The following USP32 variants were observed in gnomAD, a reference collection of about 807,000 sequenced individuals.
USP32 encodes ubiquitin carboxyl-terminal hydrolase 32.
USP32 carries 59 observed loss-of-function variants against 204.8 expected under a neutral mutation model. That is an observed-to-expected ratio of 0.29 (90% CI 0.23 to 0.36). The LOEUF (loss-of-function observed/expected upper bound fraction) is 0.36, where lower values mean the gene tolerates loss of function less well. USP32 is among the 10% of genes least tolerant of loss of function. The pLI is 1.00. For synonymous variants in USP32, 517 were observed against 678.4 expected (o/e 0.76, Z 3.70); for missense variants, 1,160 against 1,946.4 (o/e 0.60, Z 7.60).
intron 5 of USP32, among the ~76,000 whole-genome samples, chr17:60,286,427 AAAG>A (rs1380842780): frequency 1.3e-5 from 2 of 152,236 alleles, no homozygotes; most frequent in Non-Finnish European, 2.9e-5. Context: ...AGACAGAGGC[AAAG>A]AATGGGAGAT....
At chr17:60,251,402 T>A (rs2086164292) in intron 11 of USP32, among the ~76,000 whole-genome samples, 1 of 152,220 alleles carries the variant, frequency 6.6e-6, no homozygotes, top group African/African-American at 2.4e-5. Context: ...GAATATGTAA[T>A]CCTATTCTCA....
At chr17:60,194,466 G>A (rs1478171453) in intron 27 of USP32, among the ~76,000 whole-genome samples, 1 of 152,016 alleles carries the variant, frequency 6.6e-6, no homozygotes, top group Non-Finnish European at 1.5e-5. Context: ...CAGCTTCTTT[G>A]TAGCATGTGC....
intron 1 of USP32, among the ~76,000 whole-genome samples, chr17:60,363,995 A>T (rs1344867263): frequency 2.0e-5 from 3 of 152,106 alleles, no homozygotes; most frequent in Non-Finnish European, 4.4e-5. Flanking sequence ...AAACATGCTT[A>T]ATCTGTTCAG....
rs1567780504 is a variant in USP32 at position 60,223,439 on chromosome 17, T to C, written c.1580A>G (p.Gln527Arg). Reference protein sequence around the residue: ...NPQKPGAIDNQPLVTQEPVKA... With the variant: ...NPQKPGAIDNRPLVTQEPVKA... Reference sequence around the variant, plus strand: ...TACTGGTTCTTGAGTTACTAATGGCTGATTATCAATAGCCCCTGGTTTCTG... The same window carrying C: ...TACTGGTTCTTGAGTTACTAATGGCCGATTATCAATAGCCCCTGGTTTCTG... The change falls in exon 14 of 34, where the codon CAG becomes CGG. Residue 527 changes from glutamine (Q) to arginine (R), a missense_variant. By Grantham distance (43) the Gln-to-Arg change is conservative. This residue lies in a region of USP32 where 536 missense variants were observed against 680.9 expected (regional missense o/e 0.79). Transcript: ENST00000300896. 1.2e-6 allele frequency: 2 copies of C among 1,611,506 alleles called. No homozygotes were observed. The highest frequency in any genetic ancestry group is 4.5e-5 in the East Asian group (2 of 44,852).
chr17:60,210,504 G>C (rs1290076299), intron 21 of USP32, among the ~76,000 whole-genome samples: 1 of 152,032 alleles, frequency 6.6e-6, no homozygotes. Flanking sequence ...ACAGGGTTTC[G>C]CCATCTTGTC....
intron 29 of USP32, 33 bp from the exon 30 acceptor site, chr17:60,185,684 C>A (rs765602324): frequency 1.9e-6 from 3 of 1,585,326 alleles, no homozygotes; most frequent in Admixed American, 1.7e-5. Flanking sequence ...GAAAGGGGTG[C>A]GTGGGAAGGC....
intron 9 of USP32, among the ~76,000 whole-genome samples, chr17:60,264,241 C>T (rs111532419): frequency 0.021 from 3,263 of 151,826 alleles, 138 homozygotes; most frequent in African/African-American, 0.075. Context: ...ATTTTTTAGG[C>T]CAGCACAGTG....
In USP32 at chr17:60,231,984, T is replaced by C. The variant is rs961228959; in HGVS notation, c.1239+4154A>G. Among the ~76,000 whole-genome samples the C allele has an allele frequency of 2.6e-5, 4 of 152,144 alleles. No homozygotes were observed. In the East Asian group the frequency reaches 7.7e-4, roughly 29 times the overall value. On this transcript the variant is annotated intron_variant, in intron 12 of 33. Transcript: ENST00000300896. ...GGATGGCTCATTTTTCCTGATCCCT[T>C]GGTCTCTGATCTTTCCATTTAGTCT...
chr17:60,252,471 T>A (rs1287470540), intron 10 of USP32, 29 bp from the exon 11 acceptor site: 11 of 1,551,548 alleles, frequency 7.1e-6, no homozygotes, highest in Non-Finnish European at 8.8e-6. Flanking sequence ...AATCAAAGTT[T>A]ATTAACTGCA....
chr17:60,375,981 G>A (rs1334191752), intron 1 of USP32, among the ~76,000 whole-genome samples: 1 of 152,132 alleles, frequency 6.6e-6, no homozygotes, highest in Non-Finnish European at 1.5e-5. Context: ...TCAAAAAATA[G>A]TAGTCAAAAT....
At chr17:60,229,451 G>A (rs763032807) in intron 12 of USP32, among the ~76,000 whole-genome samples, 83 of 152,136 alleles carry the variant, frequency 5.5e-4, no homozygotes, top group Non-Finnish European at 1.0e-3. Context: ...TTTTTATAAT[G>A]TGCTCCAGAT....
At chr17:60,413,832 T>C (rs2090037317) in intron 1 of USP32, among the ~76,000 whole-genome samples, 2 of 119,708 alleles carry the variant, frequency 1.7e-5, no homozygotes, top group South Asian at 5.5e-4. Context: ...ACCGCTGCAC[T>C]CCAGCCTGGC....
chr17:60,302,839 T>C (rs537460695), intron 2 of USP32, among the ~76,000 whole-genome samples: 19 of 152,286 alleles, frequency 1.2e-4, no homozygotes, highest in African/African-American at 4.6e-4. Flanking sequence ...ATAAGTATTA[T>C]AGTAATCAGA....
chr17:60,394,366 A>G (rs947049706), upstream of USP32, among the ~76,000 whole-genome samples: 1 of 152,204 alleles, frequency 6.6e-6, no homozygotes. Flanking sequence ...GTCAGTACCT[A>G]CAGATGGCCT....
At chr17:60,334,224 T>C (rs1400980932) in intron 2 of USP32, among the ~76,000 whole-genome samples, 1 of 152,194 alleles carries the variant, frequency 6.6e-6, no homozygotes, top group Non-Finnish European at 1.5e-5. Context: ...TGGTTTAATA[T>C]TGCATTTTCT....
chr17:60,218,661 C>T (rs1436256189), intron 16 of USP32, among the ~76,000 whole-genome samples: 3 of 151,914 alleles, frequency 2.0e-5, no homozygotes, highest in Non-Finnish European at 4.4e-5. Context: ...TGGAGTGCAA[C>T]GGTGTGATCT....
In USP32 at chr17:60,271,927, T is replaced by A. The variant is rs1178952534; in HGVS notation, c.572-446A>T. ...CCTGGGCTCAAGCCATCTTCCCACC[T>A]CAGCCTCCCAAGTAGCTAGGACTAC... On this transcript the variant is annotated intron_variant, in intron 5 of 33. Coordinates refer to ENST00000300896, the MANE Select transcript of USP32 (RefSeq NM_032582.4). Among the ~76,000 whole-genome samples, 5 of 151,984 alleles carry A rather than the reference T, an allele frequency of 3.3e-5. No individual in the cohort carries two copies. In the East Asian group the frequency reaches 9.7e-4, roughly 29 times the overall value.
At chr17:60,272,387 A>T (rs1001468222) in intron 5 of USP32, among the ~76,000 whole-genome samples, 1 of 152,228 alleles carries the variant, frequency 6.6e-6, no homozygotes, top group African/African-American at 2.4e-5. Context: ...TACATCAAAA[A>T]TCGCAAATAG....
chr17:60,420,169 G>C (rs1163638537), intron 1 of USP32, among the ~76,000 whole-genome samples: 2 of 150,184 alleles, frequency 1.3e-5, no homozygotes, highest in Non-Finnish European at 1.5e-5. Flanking sequence ...AAAAATAGTA[G>C]AGAGTTTTAG....
Sources: allele counts gnomAD v4.1 joint callset (sites outside exome capture counted in the v4.1 genomes callset), GRCh38; gene constraint gnomAD v4.1.1; regional missense constraint gnomAD v4.1.1; transcripts MANE v1.5; gene names NCBI Gene and HGNC (gene_info 2026-07-23, HGNC 2026-07-21).